SYT1: variants seen among roughly 807,000 people sequenced by gnomAD.
SYT1 encodes the protein synaptotagmin 1.
In SYT1, 8 loss-of-function variants were observed where a neutral mutation model predicts 44.8. That is an observed-to-expected ratio of 0.18 (90% confidence interval 0.10 to 0.32). The LOEUF is 0.32. Ranked by LOEUF, SYT1 falls within the 10% of genes least tolerant of loss-of-function variation. The pLI, the probability that SYT1 is intolerant of heterozygous loss-of-function variation, is 1.00. For synonymous variants in SYT1, 154 were observed against 188.8 expected (o/e 0.82, Z 1.51); for missense variants, 286 against 509.3 (o/e 0.56, Z 4.22).
chr12:78,912,953 T>C (rs1294895833), intron 1 of SYT1, among the ~76,000 whole-genome samples: 1 of 151,916 alleles, frequency 6.6e-6, no homozygotes, highest in African/African-American at 2.4e-5. Context: ...TACATAAGAC[T>C]GGAAAGTTAT....
intron 9 of SYT1, among the ~76,000 whole-genome samples, chr12:79,363,562 C>CA (rs201763605): frequency 0.057 from 8,089 of 140,696 alleles, 425 homozygotes; most frequent in African/African-American, 0.14. Context: ...CCCATCTCTA[C>CA]AAAAAAAATT....
intron 3 of SYT1, among the ~76,000 whole-genome samples, chr12:79,179,434 A>C (rs867000267): frequency 2.7e-5 from 2 of 73,176 alleles, no homozygotes; most frequent in African/African-American, 1.5e-4. Context: ...CTATATAGAT[A>C]TATCCATATA....
At chr12:79,031,469 G>C (rs17046255) in intron 2 of SYT1, among the ~76,000 whole-genome samples, 7,328 of 151,120 alleles carry the variant, frequency 0.048, 229 homozygotes, top group Admixed American at 0.087. Flanking sequence ...GACCTCTCAG[G>C]TTTGTGGATA....
chr12:78,950,317 T>C lies in SYT1; in HGVS notation c.-216-27482T>C, dbSNP rs550545917. On this transcript the variant is annotated intron_variant, in intron 1 of 10. Coordinates refer to ENST00000261205, the MANE Select transcript of SYT1 (RefSeq NM_005639.3). ...GCATCATAATTCAATTGAATAATCC[T>C]TTTTGAAGTATCTTTTTAATACAGT... is the stretch of plus-strand genomic sequence containing the variant. Among the ~76,000 whole-genome samples the C allele has an allele frequency of 7.9e-5, 12 of 152,230 alleles. No homozygotes were observed. The East Asian group carries it at 2.1e-3, about 27-fold the overall frequency.
intron 4 of SYT1, among the ~76,000 whole-genome samples, chr12:79,245,909 T>C (rs1876825171): frequency 6.6e-6 from 1 of 151,642 alleles, no homozygotes; most frequent in Admixed American, 6.6e-5. Context: ...GGGAACCACA[T>C]GAGCAAATAG....
At chr12:78,867,031 T>A (rs1873580533) in intron 1 of SYT1, among the ~76,000 whole-genome samples, 1 of 149,808 alleles carries the variant, frequency 6.7e-6, no homozygotes, top group Admixed American at 6.8e-5. Flanking sequence ...AAAAACGATT[T>A]TCTTTCTAGG....
rs1878043351 is a variant in SYT1, at chr12:78,936,128, G to A, written c.-216-41671G>A. Among the ~76,000 whole-genome samples the A allele has an allele frequency of 2.6e-5, 4 of 152,130 alleles. No individual in the cohort carries two copies. The South Asian group carries it at 8.3e-4, about 32-fold the overall frequency. ...CTGTATTTATGTCACTTCTTTTAGAGTTACATAGAAATTTTAATCTTTGTC... is the reference window on the plus strand; with the variant it reads ...CTGTATTTATGTCACTTCTTTTAGAATTACATAGAAATTTTAATCTTTGTC... On this transcript the variant is annotated intron_variant, in intron 1 of 10. Coordinates refer to ENST00000261205, the MANE Select transcript of SYT1 (RefSeq NM_005639.3).
chr12:79,012,450 C>T (rs1871476053), intron 2 of SYT1, among the ~76,000 whole-genome samples: 1 of 152,174 alleles, frequency 6.6e-6, no homozygotes, highest in South Asian at 2.1e-4. Context: ...ATCTCTTACT[C>T]AAGCATAATT....
intron 1 of SYT1, among the ~76,000 whole-genome samples, chr12:78,942,912 G>A (rs1354128883): frequency 6.6e-6 from 1 of 151,288 alleles, no homozygotes; most frequent in Non-Finnish European, 1.5e-5. Context: ...GTGAGACCAT[G>A]CAAAGATAAC....
At chr12:79,300,752 C>T (rs1216815195) in intron 8 of SYT1, among the ~76,000 whole-genome samples, 13 of 132,610 alleles carry the variant, frequency 9.8e-5, no homozygotes, top group African/African-American at 3.5e-4. Context: ...GAGAGCAGAG[C>T]TTAAGTATTT....
intron 9 of SYT1, among the ~76,000 whole-genome samples, chr12:79,439,444 A>G (rs1483103218): frequency 2.0e-5 from 3 of 152,130 alleles, no homozygotes; most frequent in East Asian, 1.9e-4. Context: ...TAGAGCGGGT[A>G]TGCTTCTTTC....
chr12:79,049,905 A>G (rs552037163), intron 3 of SYT1, among the ~76,000 whole-genome samples: 1 of 152,152 alleles, frequency 6.6e-6, no homozygotes, highest in South Asian at 2.1e-4. Context: ...ATTGCTTACA[A>G]AAGGTTTTTG....
intron 9 of SYT1, among the ~76,000 whole-genome samples, chr12:79,408,436 T>C (rs1868312969): frequency 1.3e-5 from 2 of 152,156 alleles, no homozygotes; most frequent in Admixed American, 1.3e-4. Context: ...AGTGGGTTTA[T>C]TGGAAGGAGC....
At chr12:79,239,676 T>C (rs1199919036) in intron 4 of SYT1, among the ~76,000 whole-genome samples, 1 of 152,224 alleles carries the variant, frequency 6.6e-6, no homozygotes. Context: ...TCTCACAGTT[T>C]ACATGAATTA....
intron 1 of SYT1, among the ~76,000 whole-genome samples, chr12:78,956,588 A>G (rs200694924): frequency 9.1e-5 from 7 of 76,850 alleles, no homozygotes. Flanking sequence ...ATCAAAAATG[A>G]AAAAAAAAAA....
intron 3 of SYT1, among the ~76,000 whole-genome samples, chr12:79,159,069 C>T (rs1851313723): frequency 6.6e-6 from 1 of 152,100 alleles, no homozygotes. Context: ...GGGGAAATTA[C>T]ATTAGGACCA....
intron 1 of SYT1, among the ~76,000 whole-genome samples, chr12:78,965,762 G>C (rs1415052471): frequency 6.6e-6 from 1 of 151,988 alleles, no homozygotes; most frequent in Non-Finnish European, 1.5e-5. Context: ...CATGTTGCGT[G>C]GAGCCTAGTA....
At chr12:79,366,894 CTG>C (rs3995413) in intron 9 of SYT1, among the ~76,000 whole-genome samples, 17,840 of 116,942 alleles carry the variant, frequency 0.15, 1,218 homozygotes, top group African/African-American at 0.2. Context: ...ATAAATAATA[CTG>C]TGTGTGTGTG....
At chr12:79,184,141 G>T (rs1391890875) in intron 3 of SYT1, among the ~76,000 whole-genome samples, 1 of 151,996 alleles carries the variant, frequency 6.6e-6, no homozygotes, top group African/African-American at 2.4e-5. Context: ...AATAGAAAGA[G>T]GAAGTGAGTC....
Sources: gnomAD v4.1 joint callset for allele counts (sites outside exome capture counted in the v4.1 genomes callset) on GRCh38, gnomAD v4.1.1 for gene constraint, MANE v1.5 for transcripts, NCBI Gene and HGNC (gene_info 2026-07-23, HGNC 2026-07-21) for gene names.